NRG3: variants seen among roughly 807,000 people sequenced by gnomAD.
NRG3 encodes the protein pro-neuregulin-3, membrane-bound isoform.
A neutral mutation model predicts 66.9 loss-of-function variants in NRG3; 31 were observed. The ratio of observed to expected loss-of-function variants is 0.46; its 90% CI spans 0.35 to 0.63. The LOEUF (loss-of-function observed/expected upper bound fraction) is 0.63, where lower values mean the gene tolerates loss of function less well. NRG3 is among the 20% of genes least tolerant of loss of function. The pLI is 0.00. For synonymous variants in NRG3, 393 were observed against 359.4 expected (o/e 1.09, Z -1.06); for missense variants, 910 against 878.9 (o/e 1.04, Z -0.45).
intron 1 of NRG3, among the ~76,000 whole-genome samples, chr10:82,324,881 G>A (rs2081780068): frequency 6.6e-6 from 1 of 152,150 alleles, no homozygotes; most frequent in African/African-American, 2.4e-5. Context: ...ATATTTATCT[G>A]CTGTTGTTGG....
intron 1 of NRG3, among the ~76,000 whole-genome samples, chr10:82,039,568 A>G (rs1052009961): frequency 2.6e-5 from 4 of 152,038 alleles, no homozygotes; most frequent in Admixed American, 1.3e-4. Flanking sequence ...AAGGCATGAT[A>G]TTTTCTCTTT....
intron 2 of NRG3, among the ~76,000 whole-genome samples, chr10:82,426,047 A>G (rs1044720092): frequency 6.6e-6 from 1 of 152,158 alleles, no homozygotes; most frequent in African/African-American, 2.4e-5. Flanking sequence ...GTTTTGCTAG[A>G]GTCTAACCAA....
At chr10:82,920,903 G>A (rs1367027691) in intron 4 of NRG3, among the ~76,000 whole-genome samples, 6 of 152,036 alleles carry the variant, frequency 3.9e-5, no homozygotes, top group Non-Finnish European at 7.4e-5. Flanking sequence ...GTAAATAAAC[G>A]GGAAAAATAG....
chr10:82,038,348 C>T (rs539666904), intron 1 of NRG3, among the ~76,000 whole-genome samples: 50 of 152,068 alleles, frequency 3.3e-4, no homozygotes, highest in Non-Finnish European at 5.7e-4. Context: ...TTCCAAACAC[C>T]AGGCTGTATC....
At chr10:82,431,839 A>G (rs1014993950) in intron 2 of NRG3, among the ~76,000 whole-genome samples, 5 of 152,162 alleles carry the variant, frequency 3.3e-5, no homozygotes, top group Admixed American at 6.5e-5. Context: ...AAAATGGACA[A>G]TACATATTAT....
chr10:82,961,626 G>T (rs1190423521), intron 6 of NRG3, among the ~76,000 whole-genome samples: 3 of 152,350 alleles, frequency 2.0e-5, no homozygotes, highest in Non-Finnish European at 1.5e-5. Context: ...GCTGGGAGAA[G>T]AATGCTACAG....
intron 1 of NRG3, among the ~76,000 whole-genome samples, chr10:82,311,325 A>C (rs1218486501): frequency 6.6e-6 from 1 of 152,208 alleles, no homozygotes; most frequent in Non-Finnish European, 1.5e-5. Context: ...TCATCTTTAA[A>C]TAACTGAGAT....
intron 2 of NRG3, among the ~76,000 whole-genome samples, chr10:82,632,777 TC>T (rs2133741533): frequency 6.6e-6 from 1 of 152,362 alleles, no homozygotes; most frequent in South Asian, 2.1e-4. Flanking sequence ...TTTTGTTTAA[TC>T]TTTTAGTTTG....
chr10:82,979,638 C>T (rs1021852838), intron 8 of NRG3, among the ~76,000 whole-genome samples: 10 of 152,072 alleles, frequency 6.6e-5, no homozygotes, highest in East Asian at 1.9e-4. Context: ...TAGGGGTAGA[C>T]GGGTGGGCTT....
At chr10:82,633,683 T>G (rs1349428241) in intron 2 of NRG3, among the ~76,000 whole-genome samples, 1 of 152,162 alleles carries the variant, frequency 6.6e-6, no homozygotes, top group Non-Finnish European at 1.5e-5. Flanking sequence ...ACCAGCTTAT[T>G]TAAAGTCTGT....
At chr10:82,460,114 A>AT (rs746581049) in intron 2 of NRG3, among the ~76,000 whole-genome samples, 2 of 152,132 alleles carry the variant, frequency 1.3e-5, no homozygotes, top group Non-Finnish European at 2.9e-5. Context: ...GTTCCATTAC[A>AT]TTCTCTTTCT....
intron 4 of NRG3, among the ~76,000 whole-genome samples, chr10:82,917,001 G>C (rs1323577446): frequency 6.6e-6 from 1 of 152,198 alleles, no homozygotes; most frequent in Non-Finnish European, 1.5e-5. Context: ...AATTTCTCCT[G>C]TATAGGGATG....
chr10:81,895,512 T>C (rs1166520751), intron 1 of NRG3, among the ~76,000 whole-genome samples: 1 of 152,218 alleles, frequency 6.6e-6, no homozygotes, highest in Non-Finnish European at 1.5e-5. Context: ...TGTTTCTCAC[T>C]ATCTGATGCT....
chr10:82,276,576 C>A (rs1247270369), intron 1 of NRG3, among the ~76,000 whole-genome samples: 3 of 151,892 alleles, frequency 2.0e-5, no homozygotes, highest in African/African-American at 4.8e-5. Context: ...ATAATGCAAC[C>A]AATGTTTTAA....
intron 2 of NRG3, among the ~76,000 whole-genome samples, chr10:82,452,877 G>A (rs1037611790): frequency 5.3e-5 from 8 of 152,132 alleles, no homozygotes; most frequent in East Asian, 3.9e-4. Flanking sequence ...TATGGAGATG[G>A]TTTGAAAGGG....
intron 2 of NRG3, among the ~76,000 whole-genome samples, chr10:82,690,318 T>C (rs1461322694): frequency 6.6e-6 from 1 of 151,438 alleles, no homozygotes; most frequent in Non-Finnish European, 1.5e-5. Context: ...CACAGGAACA[T>C]AGGGAAATCT....
intron 1 of NRG3, among the ~76,000 whole-genome samples, chr10:82,064,930 A>G (rs1478471756): frequency 6.6e-6 from 1 of 152,224 alleles, no homozygotes; most frequent in African/African-American, 2.4e-5. Context: ...TATAACAACT[A>G]TTCATGCACA....
At chr10:82,766,658 T>G (rs1381919307) in intron 3 of NRG3, among the ~76,000 whole-genome samples, 1 of 152,100 alleles carries the variant, frequency 6.6e-6, no homozygotes, top group Admixed American at 6.6e-5. Context: ...ATTAGAAAAC[T>G]GTTTCTTCTT....
At chr10:82,417,707 G>A (rs1268686342) in intron 2 of NRG3, among the ~76,000 whole-genome samples, 2 of 152,170 alleles carry the variant, frequency 1.3e-5, no homozygotes, top group East Asian at 3.9e-4. Flanking sequence ...GCGAAATGGT[G>A]GATTCTGAAT....
Sources: allele counts gnomAD v4.1 joint callset (sites outside exome capture counted in the v4.1 genomes callset), GRCh38; gene constraint gnomAD v4.1.1; transcripts MANE v1.5; gene names NCBI Gene and HGNC (gene_info 2026-07-23, HGNC 2026-07-21).